The following HP1BP3 variants were observed in gnomAD, a reference collection of about 807,000 sequenced individuals.
HP1BP3 encodes heterochromatin protein 1-binding protein 3.
Under a neutral mutation model 62.5 loss-of-function variants are expected in HP1BP3, and 12 were observed. The observed-to-expected ratio is 0.19, with a 90% CI of 0.12 to 0.31. The LOEUF (loss-of-function observed/expected upper bound fraction) is 0.31. HP1BP3 is among the 10% of genes least tolerant of loss of function. The pLI is 1.00. For synonymous variants in HP1BP3, 260 were observed against 237.8 expected (o/e 1.09, Z -0.86); for missense variants, 502 against 651.8 (o/e 0.77, Z 2.50).
chr1:20,782,096 C>G (rs1188148245), intron 1 of HP1BP3, among the ~76,000 whole-genome samples: 9 of 152,082 alleles, frequency 5.9e-5, no homozygotes, highest in African/African-American at 2.2e-4. Flanking sequence ...AAAATGCTAC[C>G]GTGAAGTCAA....
At position 20,762,961 on chromosome 1, in the gene HP1BP3, T is replaced by C. The variant is rs137912599; in HGVS notation, c.890+2416A>G. Among the ~76,000 whole-genome samples the C allele has an allele frequency of 5.1e-3, 774 of 152,202 alleles. 7 individuals are homozygous for C. Among genetic ancestry groups the C allele is most frequent in the African/African-American group, 0.018 (743 of 41,518 alleles). On this transcript the variant is annotated intron_variant, in intron 8 of 12. Transcript: ENST00000438032. ...CCCCAGTGTTGCAGGTGGGGCCTAGTGGGAGGTGTCTGAGTTATAGGGATG... is the reference window on the plus strand; with the variant it reads ...CCCCAGTGTTGCAGGTGGGGCCTAGCGGGAGGTGTCTGAGTTATAGGGATG...
In HP1BP3 at chr1:20,765,397, A is replaced by T; in HGVS notation, c.870T>A (p.Pro290=). 1 of 1,609,818 alleles carries T rather than the reference A, an allele frequency of 6.2e-7. No individual in the cohort carries two copies. The stretch of plus-strand genomic sequence containing the variant: ...CATACCTGATGTCCACTCTAAGCTT[A>T]GGATAATACTGAGACACATATTTCC... The part of the protein sequence containing the change: ...LIRKYVSQYY[P]KLRVDIRPQL... Residue 290 remains proline (P), a synonymous_variant, in exon 8 of 13, where the codon CCT becomes CCA. Coordinates refer to ENST00000438032, the MANE Select transcript of HP1BP3 (RefSeq NM_001372052.1).
At chr1:20,745,419 A>G (rs1201242346) in intron 12 of HP1BP3, 124 bp downstream of exon 12, 4 of 1,213,642 alleles carry the variant, frequency 3.3e-6, no homozygotes, top group East Asian at 2.6e-5. Context: ...AAATTTATAT[A>G]AAGAACTTGA....
intron 1 of HP1BP3, among the ~76,000 whole-genome samples, chr1:20,781,734 C>A (rs1173575054): frequency 6.6e-6 from 1 of 152,200 alleles, no homozygotes; most frequent in Non-Finnish European, 1.5e-5. Context: ...TCAAGCGATT[C>A]TCCTGCCTCA....
At position 20,787,253 on chromosome 1, in the gene HP1BP3, G is replaced by T. The variant is rs1211962519; in HGVS notation, c.-159C>A. On this transcript the variant is annotated 5_prime_UTR_variant, in exon 1 of 13. Transcript: ENST00000438032. ...CGCACGGCCTCTCGGCGCCGCTCCC[G>T]CCGCCGCTAGTCGCCTCCGCCACCG... 1 of 152,138 alleles carries T rather than the reference G, an allele frequency of 6.6e-6. No individual in the cohort carries two copies. The highest frequency in any genetic ancestry group is 1.5e-5 in the Non-Finnish European group (1 of 68,086). 9.4% of individuals were successfully genotyped at this position (152,138 alleles called of 1,614,324 possible).
At chr1:20,784,521 C>T (rs2057727687) in intron 1 of HP1BP3, among the ~76,000 whole-genome samples, 1 of 149,792 alleles carries the variant, frequency 6.7e-6, no homozygotes. Context: ...CTCTGTCGCC[C>T]AGGCTGGAGT....
chr1:20,748,948 C>CA (rs2055528089), intron 10 of HP1BP3, among the ~76,000 whole-genome samples: 1 of 152,148 alleles, frequency 6.6e-6, no homozygotes, highest in South Asian at 2.1e-4. Flanking sequence ...TGTCTCATCT[C>CA]AAATCACCAC....
intron 8 of HP1BP3, among the ~76,000 whole-genome samples, chr1:20,759,123 G>A (rs755267222): frequency 3.9e-5 from 6 of 152,102 alleles, no homozygotes; most frequent in Non-Finnish European, 7.4e-5. Context: ...TTAAGTGGCC[G>A]GGCGAGGTGG....
intron 5 of HP1BP3, 47 bp from the exon 6 acceptor site, chr1:20,771,120 C>T (rs1365686221): frequency 7.1e-7 from 1 of 1,409,894 alleles, no homozygotes; most frequent in African/African-American, 1.5e-5. Context: ...TTAGATAGAG[C>T]CTGACATATA....
At chr1:20,746,041 T>C (rs2055298863) in intron 11 of HP1BP3, among the ~76,000 whole-genome samples, 1 of 150,974 alleles carries the variant, frequency 6.6e-6, no homozygotes, top group African/African-American at 2.4e-5. Flanking sequence ...CTCCAAGTCT[T>C]AAAAAAAAAG....
At chr1:20,784,026 G>A (rs2057700402) in intron 1 of HP1BP3, among the ~76,000 whole-genome samples, 2 of 151,960 alleles carry the variant, frequency 1.3e-5, no homozygotes, top group African/African-American at 4.8e-5. Context: ...TGATGCTCAG[G>A]TTGTAGTATC....
Position 20,744,076 on chromosome 1 carries a change from G to GACAAAA in HP1BP3, c.*720_*721insTTTTGT, listed in dbSNP as rs2055171282. On this transcript the variant is annotated 3_prime_UTR_variant, in exon 13 of 13. Coordinates refer to ENST00000438032, the MANE Select transcript of HP1BP3 (RefSeq NM_001372052.1). ...CAAGACTCCGTCTCAAAACAACGAC[G>GACAAAA]ACAACAACAACAACAACAAAAAACA... 1.3e-5 allele frequency: 2 copies of GACAAAA among 151,968 alleles called. No individual in the cohort carries two copies. Among genetic ancestry groups the GACAAAA allele is most frequent in the Non-Finnish European group, 2.9e-5 (2 of 67,972 alleles). The allele number at this position is 151,968 out of a possible 1,614,324, so 9.4% of individuals were successfully genotyped here.
rs2055126056 is a variant in HP1BP3 at position 20,742,964 on chromosome 1, C to CT, written c.*1832dup. ...GGGGCCAGAAGATGTACTTCAAAAA[C>CT]TTTAAGACAATTAAAATGTCAAGTG... On this transcript the variant is annotated 3_prime_UTR_variant, in exon 13 of 13. Transcript: ENST00000438032. The CT allele has an allele frequency of 6.6e-6, 1 of 152,546 alleles. No individual in the cohort carries two copies. The highest frequency in any genetic ancestry group is 2.1e-4 in the South Asian group (1 of 4,830). The allele number at this position is 152,546 out of a possible 1,614,324, so 9.4% of individuals were successfully genotyped here. A position where few individuals can be genotyped will look rare whatever the true frequency, so the allele number is the denominator to read the frequency against.
At chr1:20,778,519 G>C (rs573505014) in intron 3 of HP1BP3, among the ~76,000 whole-genome samples, 1 of 152,334 alleles carries the variant, frequency 6.6e-6, no homozygotes, top group African/African-American at 2.4e-5. Context: ...TCAGCTGGCT[G>C]TTAAACATGG....
At chr1:20,778,694 G>GA (rs547838862) in intron 3 of HP1BP3, among the ~76,000 whole-genome samples, 24 of 151,868 alleles carry the variant, frequency 1.6e-4, no homozygotes, top group Non-Finnish European at 3.4e-4. Context: ...AGGATTTAGA[G>GA]AAAAAATCCA....
intron 8 of HP1BP3, among the ~76,000 whole-genome samples, chr1:20,760,925 A>T (rs1044275697): frequency 2.0e-5 from 3 of 152,230 alleles, no homozygotes; most frequent in African/African-American, 7.2e-5. Flanking sequence ...AACATACTGA[A>T]AGGGAGCATG....
At chr1:20,766,719 C>G (rs2056803282) in intron 7 of HP1BP3, among the ~76,000 whole-genome samples, 1 of 152,042 alleles carries the variant, frequency 6.6e-6, no homozygotes, top group Admixed American at 6.6e-5. Flanking sequence ...GCAGGCAGAT[C>G]ACCTGAGGTC....
rs115766888 is a variant in HP1BP3, at chr1:20,748,995, T to C, written c.1141+728A>G. Among the ~76,000 whole-genome samples, 1,288 of 152,252 alleles carry C rather than the reference T, an allele frequency of 8.5e-3. 10 individuals carry two copies. Among genetic ancestry groups the C allele is most frequent in the Non-Finnish European group, 0.011 (776 of 68,022 alleles). On this transcript the variant is annotated intron_variant, in intron 10 of 12. Coordinates refer to ENST00000438032, the MANE Select transcript of HP1BP3 (RefSeq NM_001372052.1). Reference sequence around the variant, plus strand: ...AATATACTTTACTGAAATAAAGTATTGTCTGTTGTGGGGCTTAGGTTAATA... The same window carrying C: ...AATATACTTTACTGAAATAAAGTATCGTCTGTTGTGGGGCTTAGGTTAATA...
At chr1:20,745,116 C>A in intron 12 of HP1BP3, 25 bp from the exon 13 acceptor site, 1 of 1,583,272 alleles carries the variant, frequency 6.3e-7, no homozygotes, top group Non-Finnish European at 8.6e-7. Flanking sequence ...GAGCAAAGGC[C>A]GTCATTTAGT....
Sources: gnomAD v4.1 joint callset for allele counts (sites outside exome capture counted in the v4.1 genomes callset) on GRCh38, gnomAD v4.1.1 for gene constraint, MANE v1.5 for transcripts, NCBI Gene and HGNC (gene_info 2026-07-23, HGNC 2026-07-21) for gene names.